The following ACHE variants were observed in gnomAD, a reference collection of about 807,000 sequenced individuals.
ACHE encodes acetylcholinesterase (Yt blood group).
A neutral mutation model predicts 53.9 loss-of-function variants in ACHE; 19 were observed. The ratio of observed to expected loss-of-function variants is 0.35; its 90% CI spans 0.25 to 0.52. The LOEUF (loss-of-function observed/expected upper bound fraction) is 0.52, where lower values mean the gene tolerates loss of function less well. Among genes scored for constraint, ACHE ranks in the 20% least tolerant of loss-of-function variants. The pLI is 0.95. For missense variants in ACHE, 605 were observed against 849.4 expected (o/e 0.71, Z 3.58); for synonymous variants, 392 against 378.1 (o/e 1.04, Z -0.43).
rs1790745754 is a variant in ACHE at position 100,892,275 on chromosome 7, GTGTCCTCCCGCCCCCGACTCC to G, written c.1553+38_1553+58del. On this transcript the variant is annotated intron_variant, in intron 3 of 4. Coordinates refer to ENST00000241069, the MANE Select transcript of ACHE (RefSeq NM_000665.5). This position sits in a 1 kb window ranked among gnomAD's most constrained non-coding sequence, Gnocchi z 5.2. Reference sequence around the variant, plus strand: ...TCTGTCTCCGTGTGTCTGCCTTTGTGTGTCCTCCCGCCCCCGACTCCTGTCCTCCCCAGCCTTCTCTCCCTC... The same window carrying G: ...TCTGTCTCCGTGTGTCTGCCTTTGTGTGTCCTCCCCAGCCTTCTCTCCCTC... 1 of 1,468,482 alleles carries G rather than the reference GTGTCCTCCCGCCCCCGACTCC, an allele frequency of 6.8e-7. No individual in the cohort carries two copies. The highest frequency in any genetic ancestry group is 9.0e-7 in the Non-Finnish European group (1 of 1,105,570). The allele number at this position is 1,468,482 out of a possible 1,614,324, so 91.0% of individuals were successfully genotyped here. A position where few individuals can be genotyped will look rare whatever the true frequency, so the allele number is the denominator to read the frequency against.
Position 100,890,169 on chromosome 7 carries a change from G to T in ACHE, c.*45C>A, listed in dbSNP as rs780728571. 1.9e-6 allele frequency: 3 copies of T among 1,610,202 alleles called. No homozygotes were observed. The highest frequency in any genetic ancestry group is 2.5e-6 in the Non-Finnish European group (3 of 1,177,206). The stretch of plus-strand genomic sequence containing the variant: ...AGCCCTGAAATAAATAGTATATACA[G>T]CTAGGGGGCCGGGCGGAGCGGAGGA... On this transcript the variant is annotated 3_prime_UTR_variant, in exon 5 of 5. Transcript: ENST00000241069.
intron 1 of ACHE, among the ~76,000 whole-genome samples, 198 bp downstream of exon 1, chr7:100,895,604 C>T (rs763186390): frequency 6.6e-6 from 1 of 152,276 alleles, no homozygotes; most frequent in South Asian, 2.1e-4. Flanking sequence ...CCCGCGGGCT[C>T]GGGCTCCTGC....
chr7:100,892,180 C>T lies in ACHE; in HGVS notation c.1553+154G>A, dbSNP rs192922997. Among the ~76,000 whole-genome samples, 49 of 151,868 alleles carry T rather than the reference C, an allele frequency of 3.2e-4. No individual in the cohort carries two copies. The highest frequency in any genetic ancestry group is 5.9e-4 in the Non-Finnish European group (40 of 67,952). On this transcript the variant is annotated intron_variant, in intron 3 of 4. Coordinates refer to ENST00000241069, the MANE Select transcript of ACHE (RefSeq NM_000665.5). The surrounding 1 kb of genome is among the most constrained non-coding windows in gnomAD (Gnocchi z 5.2). The stretch of plus-strand genomic sequence containing the variant: ...TTCTCTGTCTCCTTTCTTTTTCTCT[C>T]CCCTTTTATCTACTTTGTGAGCATA...
chr7:100,891,287 C>T lies in ACHE; in HGVS notation c.1605G>A (p.Thr535=). 1 of 1,604,118 alleles carries T rather than the reference C, an allele frequency of 6.2e-7. No individual in the cohort carries two copies. The highest frequency in any genetic ancestry group is 8.5e-7 in the Non-Finnish European group (1 of 1,176,610). The part of the protein sequence containing the change: ...DPKAPQWPPY[T]AGAQQYVSLD... ...GACTAACGTACTGCTGAGCCCCCGC[C>T]GTGTACGGGGGCCATTGTGGGGCCT... The change falls in exon 4 of 5, where the codon ACG becomes ACA. Residue 535 remains threonine (T), a synonymous_variant. Transcript: ENST00000241069.
At chr7:100,891,699 T>C (rs1210303149) in intron 3 of ACHE, among the ~76,000 whole-genome samples, 1 of 151,772 alleles carries the variant, frequency 6.6e-6, no homozygotes, top group Non-Finnish European at 1.5e-5. Flanking sequence ...GGTAAACTGG[T>C]GTGTGTGTGA....
chr7:100,892,936 G>A lies in ACHE; in HGVS notation c.1069-118C>T. ...GAACAGTTACAGACCCGGAACCATG[G>A]ACAGAGAGAGGACGAGATCAGGGGA... is the stretch of plus-strand genomic sequence containing the variant. On this transcript the variant is annotated intron_variant, in intron 2 of 4. Transcript: ENST00000241069. This position sits in a 1 kb window ranked among gnomAD's most constrained non-coding sequence, Gnocchi z 5.2. 2 of 1,343,450 alleles carry A rather than the reference G, an allele frequency of 1.5e-6. No individual in the cohort carries two copies. Among genetic ancestry groups the A allele is most frequent in the South Asian group, 1.5e-5 (1 of 67,136 alleles). The allele number at this position is 1,343,450 out of a possible 1,614,324, so 83.2% of individuals were successfully genotyped here. A position where few individuals can be genotyped will look rare whatever the true frequency, so the allele number is the denominator to read the frequency against.
intron 4 of ACHE, 63 bp downstream of exon 4, chr7:100,891,106 G>C (rs1198787570): frequency 3.9e-6 from 6 of 1,555,420 alleles, no homozygotes; most frequent in Non-Finnish European, 5.2e-6. Context: ...GAGAAGAGAG[G>C]GGTTACACCT....
At chr7:100,895,516 G>A (rs867029716) in intron 1 of ACHE, among the ~76,000 whole-genome samples, 44 of 152,160 alleles carry the variant, frequency 2.9e-4, no homozygotes, top group African/African-American at 8.2e-4. Flanking sequence ...TCTTCCAGTG[G>A]CCCCGGACTA....
chr7:100,890,080 C>T lies in ACHE; in HGVS notation c.*134G>A. On this transcript the variant is annotated 3_prime_UTR_variant, in exon 5 of 5. Coordinates refer to ENST00000241069, the MANE Select transcript of ACHE (RefSeq NM_000665.5). ...CCTGAGACATGCAGAGGACCGGGAGCCCCGGGGGACGTCGGGGTGGGGTGG... is the reference window on the plus strand; with the variant it reads ...CCTGAGACATGCAGAGGACCGGGAGTCCCGGGGGACGTCGGGGTGGGGTGG... The T allele has an allele frequency of 1.8e-6, 2 of 1,137,812 alleles. No individual in the cohort carries two copies. The highest frequency in any genetic ancestry group is 2.6e-5 in the East Asian group (1 of 38,582). 70.5% of individuals were successfully genotyped at this position (1,137,812 alleles called of 1,614,324 possible). A position where few individuals can be genotyped will look rare whatever the true frequency, so the allele number is the denominator to read the frequency against.
chr7:100,894,342 C>G (rs1283339117), intron 1 of ACHE, 90 bp from the exon 2 acceptor site: 1 of 909,386 alleles, frequency 1.1e-6, no homozygotes, highest in African/African-American at 1.7e-5. Flanking sequence ...AGGGTTATCG[C>G]TCAGCTGCAG....
In ACHE at chr7:100,892,501, T is replaced by C; in HGVS notation, c.1386A>G (p.Glu462=). 6.3e-7 allele frequency: 1 copy of C among 1,595,448 alleles called. No individual in the cohort carries two copies. Among genetic ancestry groups the C allele is most frequent in the Non-Finnish European group, 8.6e-7 (1 of 1,165,734 alleles). The change falls in exon 3 of 5, where the codon GAA becomes GAG. Residue 462 remains glutamate, a synonymous_variant. Transcript: ENST00000241069. The surrounding 1 kb of genome is among the most constrained non-coding windows in gnomAD (Gnocchi z 5.2). ...QGARVYAYVF[E]HRASTLSWPL... ...GCCAGGAGAGCGTGGAAGCACGGTG[T>C]TCAAAGACGTAGGCGTAGACCCGGG... is the stretch of plus-strand genomic sequence containing the variant.
rs767748040 is a variant in ACHE at position 100,891,012 on chromosome 7, G to A, written c.1723+157C>T. On this transcript the variant is annotated intron_variant, in intron 4 of 4. Coordinates refer to ENST00000241069, the MANE Select transcript of ACHE (RefSeq NM_000665.5). ...GGAGGAGAAGCTGGTGGAGGAGGAG[G>A]AGGGGCAGGGGGAGGCCGGGCCTCG... The A allele has an allele frequency of 2.1e-6, 3 of 1,456,034 alleles. No individual in the cohort carries two copies. In the East Asian group the frequency reaches 7.5e-5, roughly 37 times the overall value. The allele number at this position is 1,456,034 out of a possible 1,614,324, so 90.2% of individuals were successfully genotyped here.
chr7:100,896,723 C>A (rs1264063636), upstream of ACHE: 3 of 317,460 alleles, frequency 9.5e-6, no homozygotes, highest in South Asian at 2.1e-5. Flanking sequence ...CATCACCAGG[C>A]CTAGCATTCA....
chr7:100,891,811 G>T (rs58662957), intron 3 of ACHE, among the ~76,000 whole-genome samples: 1 of 113,836 alleles, frequency 8.8e-6, no homozygotes. Context: ...TTTTTCCAGA[G>T]ATAGGGCCAC....
At chr7:100,890,389 G>A in intron 4 of ACHE, 54 bp from the exon 5 acceptor site, 6 of 1,576,176 alleles carry the variant, frequency 3.8e-6, no homozygotes, top group Non-Finnish European at 5.2e-6. Context: ...GAGGAAGGTC[G>A]GGGATCGGAC....
chr7:100,896,596 G>T (rs1411198347), upstream of ACHE: 1 of 267,852 alleles, frequency 3.7e-6, no homozygotes. Flanking sequence ...AGGCTGCTGG[G>T]CGAGGCCGCA....
chr7:100,890,775 G>A lies in ACHE; in HGVS notation c.1723+394C>T, dbSNP rs553083565. 4 of 1,358,142 alleles carry A rather than the reference G, an allele frequency of 2.9e-6. No homozygotes were observed. The African/African-American group carries it at 4.4e-5, about 15-fold the overall frequency. The allele number at this position is 1,358,142 out of a possible 1,614,324, so 84.1% of individuals were successfully genotyped here. A position where few individuals can be genotyped will look rare whatever the true frequency, so the allele number is the denominator to read the frequency against. ...TTTCCATTTCCATTCAAACAACAAAGGCGTGGGGGTCCCTGAGAAGGGTGG... is the reference window on the plus strand; with the variant it reads ...TTTCCATTTCCATTCAAACAACAAAAGCGTGGGGGTCCCTGAGAAGGGTGG... On this transcript the variant is annotated intron_variant, in intron 4 of 4. Coordinates refer to ENST00000241069, the MANE Select transcript of ACHE (RefSeq NM_000665.5).
Position 100,892,085 on chromosome 7 carries a change from G to A in ACHE, c.1553+249C>T, listed in dbSNP as rs1021874280. On this transcript the variant is annotated intron_variant, in intron 3 of 4. Coordinates refer to ENST00000241069, the MANE Select transcript of ACHE (RefSeq NM_000665.5). The surrounding 1 kb of genome is among the most constrained non-coding windows in gnomAD (Gnocchi z 5.2). ...TTACAGGGGTGAGCCACTGTGCCCC[G>A]CCCCCTCCATGTCTACCTCGTCTCC... Among the ~76,000 whole-genome samples, 14 of 151,584 alleles carry A rather than the reference G, an allele frequency of 9.2e-5. No individual in the cohort carries two copies. The highest frequency in any genetic ancestry group is 1.9e-4 in the East Asian group (1 of 5,170).
Position 100,891,245 on chromosome 7 carries a change from C to T in ACHE, c.1647G>A (p.Leu549=). 1 of 1,611,440 alleles carries T rather than the reference C, an allele frequency of 6.2e-7. No individual in the cohort carries two copies. Residue 549 remains leucine, a synonymous_variant, in exon 4 of 5, where the codon CTG becomes CTA. Transcript: ENST00000241069. ...QQYVSLDLRP[L]EVRRGLRAQA... Reference sequence around the variant, plus strand: ...GGGCGCGCAGCCCCCGCCGCACCTCCAGCGGCCGCAGGTCCAGACTAACGT... The same window carrying T: ...GGGCGCGCAGCCCCCGCCGCACCTCTAGCGGCCGCAGGTCCAGACTAACGT...
Sources: allele counts gnomAD v4.1 joint callset (sites outside exome capture counted in the v4.1 genomes callset), GRCh38; gene constraint gnomAD v4.1.1; non-coding constraint Gnocchi (gnomAD v3.1); transcripts MANE v1.5; gene names NCBI Gene and HGNC (gene_info 2026-07-23, HGNC 2026-07-21).